The following CNTN3 variants were observed in gnomAD, a reference collection of about 807,000 sequenced individuals.
CNTN3 encodes the protein contactin 3.
Under a neutral mutation model 119.1 loss-of-function variants are expected in CNTN3, and 60 were observed. The observed-to-expected ratio is 0.50, with a 90% CI of 0.41 to 0.62. CNTN3 has a LOEUF of 0.62. CNTN3 is among the 20% of genes least tolerant of loss of function. The pLI, the probability that CNTN3 is intolerant of heterozygous loss-of-function variation, is 0.00. For missense variants in CNTN3, 1,101 were observed against 1,242.4 expected, an observed-to-expected ratio of 0.89 and a Z score of 1.71; for synonymous variants, 450 against 438.7, an observed-to-expected ratio of 1.03 and a Z score of -0.32.
chr3:74,419,270 C>T lies in CNTN3; in HGVS notation c.454+5575G>A, dbSNP rs558419539. On this transcript the variant is annotated intron_variant, in intron 5 of 22. Coordinates refer to ENST00000263665, the MANE Select transcript of CNTN3 (RefSeq NM_020872.3). Reference sequence around the variant, plus strand: ...CTAGTCATGTGTCTCCCTGCCTTGACGGAGACTCTAGCAACTGGACAAGTC... The same window carrying T: ...CTAGTCATGTGTCTCCCTGCCTTGATGGAGACTCTAGCAACTGGACAAGTC... Among the ~76,000 whole-genome samples the T allele has an allele frequency of 4.6e-5, 7 of 152,114 alleles. No homozygotes were observed. The South Asian group carries it at 1.2e-3, about 27-fold the overall frequency.
At chr3:74,574,390 A>C (rs981495021) in intron 1 of CNTN3, among the ~76,000 whole-genome samples, 1 of 152,192 alleles carries the variant, frequency 6.6e-6, no homozygotes, top group African/African-American at 2.4e-5. Context: ...CAATCTGGTG[A>C]ATATACTAAA....
intron 4 of CNTN3, among the ~76,000 whole-genome samples, chr3:74,474,329 C>G (rs1296233386): frequency 6.6e-6 from 1 of 152,056 alleles, no homozygotes; most frequent in East Asian, 1.9e-4. Context: ...CAGAAAAGAC[C>G]AAGTTTATGG....
At chr3:74,380,438 T>C (rs991388240) in intron 5 of CNTN3, among the ~76,000 whole-genome samples, 3 of 152,210 alleles carry the variant, frequency 2.0e-5, no homozygotes, top group Non-Finnish European at 2.9e-5. Context: ...TGACAGTAAA[T>C]AACAATTTCT....
intron 2 of CNTN3, among the ~76,000 whole-genome samples, chr3:74,501,288 G>A (rs1170251762): frequency 2.0e-5 from 3 of 151,998 alleles, no homozygotes; most frequent in African/African-American, 7.2e-5. Flanking sequence ...TGTGCAACCA[G>A]TCAGTCACAC....
intron 4 of CNTN3, among the ~76,000 whole-genome samples, chr3:74,444,387 A>G (rs1702016346): frequency 6.6e-6 from 1 of 152,108 alleles, no homozygotes; most frequent in South Asian, 2.1e-4. Flanking sequence ...GGTGCTTACT[A>G]ATAAAGTCTT....
In CNTN3 at chr3:74,264,034, T is replaced by C. The variant is rs1199797879; in HGVS notation, c.*367A>G. Reference sequence around the variant, plus strand: ...AAATAATGCTATTATAATGGGAAAATAGCATTTGAATTAAATGAAAGAGTT... The same window carrying C: ...AAATAATGCTATTATAATGGGAAAACAGCATTTGAATTAAATGAAAGAGTT... On this transcript the variant is annotated 3_prime_UTR_variant, in exon 23 of 23. Transcript: ENST00000263665. 2.5e-5 allele frequency: 4 copies of C among 157,338 alleles called. No individual in the cohort carries two copies. The highest frequency in any genetic ancestry group is 5.6e-5 in the Non-Finnish European group (4 of 71,410). The allele number at this position is 157,338 out of a possible 1,614,324, so 9.7% of individuals were successfully genotyped here.
chr3:74,497,299 TGCCTA>T (rs1703083081), intron 3 of CNTN3, among the ~76,000 whole-genome samples: 2 of 151,928 alleles, frequency 1.3e-5, no homozygotes, highest in South Asian at 4.1e-4. Context: ...TGTGAAATAT[TGCCTA>T]GCTGAATATT....
intron 2 of CNTN3, among the ~76,000 whole-genome samples, chr3:74,517,535 A>G (rs1703470937): frequency 6.6e-6 from 1 of 151,888 alleles, no homozygotes; most frequent in African/African-American, 2.4e-5. Flanking sequence ...GTTTTATCAA[A>G]GTATTACGGA....
chr3:74,339,803 T>C (rs1703486792), intron 11 of CNTN3, among the ~76,000 whole-genome samples: 1 of 152,008 alleles, frequency 6.6e-6, no homozygotes, highest in Non-Finnish European at 1.5e-5. Flanking sequence ...TGCAAGGCAC[T>C]GACACCTTAT....
intron 5 of CNTN3, among the ~76,000 whole-genome samples, chr3:74,399,081 C>T (rs1176692070): frequency 1.3e-5 from 2 of 152,144 alleles, no homozygotes; most frequent in Middle Eastern, 3.4e-3. Flanking sequence ...TCCTACAATG[C>T]TATAGAGAAC....
chr3:74,321,808 C>A (rs1196246542), intron 13 of CNTN3, among the ~76,000 whole-genome samples: 15 of 152,108 alleles, frequency 9.9e-5, no homozygotes, highest in Admixed American at 8.5e-4. Flanking sequence ...GGATCAATTC[C>A]TTGAAAGATA....
At chr3:74,286,541 A>G (rs908168518) in intron 19 of CNTN3, among the ~76,000 whole-genome samples, 3 of 152,184 alleles carry the variant, frequency 2.0e-5, no homozygotes, top group Admixed American at 6.5e-5. Context: ...CAGAGCCTGT[A>G]TAGAGAAATA....
At chr3:74,547,620 G>A (rs74786553) in intron 1 of CNTN3, among the ~76,000 whole-genome samples, 9,111 of 152,026 alleles carry the variant, frequency 0.06, 858 homozygotes, top group African/African-American at 0.2. Context: ...ATGAATTGCT[G>A]GTAGGTTTCC....
intron 4 of CNTN3, among the ~76,000 whole-genome samples, chr3:74,483,194 T>C (rs1486721770): frequency 2.0e-5 from 3 of 151,864 alleles, no homozygotes; most frequent in African/African-American, 7.3e-5. Context: ...TAAATAAAAC[T>C]TGTAAAGCAG....
intron 3 of CNTN3, among the ~76,000 whole-genome samples, chr3:74,498,856 T>C (rs1490527645): frequency 6.6e-6 from 1 of 151,860 alleles, no homozygotes; most frequent in Non-Finnish European, 1.5e-5. Context: ...GTGTCTTGAA[T>C]ACTTTCTTTC....
chr3:74,366,780 G>GTGTGTGTGTGTA (rs1447686332), intron 8 of CNTN3, among the ~76,000 whole-genome samples: 8 of 63,704 alleles, frequency 1.3e-4, no homozygotes, highest in African/African-American at 6.8e-4. Flanking sequence ...GTGTGTGTGT[G>GTGTGTGTGTGTA]TATATATATA....
intron 3 of CNTN3, 92 bp downstream of exon 3, chr3:74,499,566 TG>T: frequency 1.7e-6 from 2 of 1,187,998 alleles, no homozygotes; most frequent in Non-Finnish European, 2.3e-6. Context: ...TTCTTACTGA[TG>T]GCATAAATAT....
intron 1 of CNTN3, among the ~76,000 whole-genome samples, chr3:74,591,062 A>T (rs986933992): frequency 6.6e-6 from 1 of 152,020 alleles, no homozygotes; most frequent in Non-Finnish European, 1.5e-5. Flanking sequence ...AAGCATTGGC[A>T]ACCTCATCTT....
At position 74,314,778 on chromosome 3, in the gene CNTN3, A is replaced by T. The variant is rs370395907; in HGVS notation, c.1669-11971T>A. On this transcript the variant is annotated intron_variant, in intron 13 of 22. Coordinates refer to ENST00000263665, the MANE Select transcript of CNTN3 (RefSeq NM_020872.3). ...ACAAGTAAAGACTTAGTTGACCTCA[A>T]CAGTACCTTCAATCAATTGTATATA... Among the ~76,000 whole-genome samples the T allele has an allele frequency of 1.2e-3, 176 of 152,340 alleles. 2 individuals carry two copies. In the South Asian group the frequency reaches 0.035, roughly 31 times the overall value.
Sources: gnomAD v4.1 joint callset for allele counts (sites outside exome capture counted in the v4.1 genomes callset) on GRCh38, gnomAD v4.1.1 for gene constraint, MANE v1.5 for transcripts, NCBI Gene and HGNC (gene_info 2026-07-23, HGNC 2026-07-21) for gene names.